TMEM117: variants seen among roughly 807,000 people sequenced by gnomAD.
The protein encoded by TMEM117 is transmembrane protein 117.
In TMEM117, 27 loss-of-function variants were observed where a neutral mutation model predicts 52.4. The ratio of observed to expected loss-of-function variants is 0.51; its 90% CI spans 0.38 to 0.71. The LOEUF is 0.71. Ranked by LOEUF, TMEM117 falls within the 30% of genes least tolerant of loss-of-function variation. TMEM117 has a pLI of 0.00. For synonymous variants in TMEM117, 215 were observed against 206.3 expected (o/e 1.04, Z -0.36); for missense variants, 556 against 630.5 (o/e 0.88, Z 1.26).
intron 2 of TMEM117, among the ~76,000 whole-genome samples, chr12:43,881,534 A>G (rs1443872129): frequency 6.6e-6 from 1 of 152,214 alleles, no homozygotes; most frequent in African/African-American, 2.4e-5. Context: ...TCATGCCTGT[A>G]ATCCCAACAC....
Position 43,838,536 on chromosome 12 carries a change from A to AT in TMEM117, c.-29+2340_-29+2341insT, listed in dbSNP as rs1565712907. 6.0e-5 allele frequency among the ~76,000 whole-genome samples: 8 copies of AT among 134,332 alleles called. 1 individual carries two copies. Among genetic ancestry groups the AT allele is most frequent in the African/African-American group, 2.1e-4 (7 of 33,680 alleles). 88.1% of individuals were successfully genotyped at this position (134,332 alleles called of 152,430 possible). A position where few individuals can be genotyped will look rare whatever the true frequency, so the allele number is the denominator to read the frequency against. On this transcript the variant is annotated intron_variant, in intron 1 of 7. Coordinates refer to ENST00000266534, the MANE Select transcript of TMEM117 (RefSeq NM_032256.3). ...TACTCTCTCTGGAATGGAGTCTTCCAGTTTTTTTTTTTTTTTTTTCCCTCA... is the reference window on the plus strand; with the variant it reads ...TACTCTCTCTGGAATGGAGTCTTCCATGTTTTTTTTTTTTTTTTTTCCCTCA...
chr12:44,348,341 T>C (rs1951517388), intron 6 of TMEM117, among the ~76,000 whole-genome samples: 1 of 151,782 alleles, frequency 6.6e-6, no homozygotes, highest in South Asian at 2.1e-4. Context: ...TGATCCCAAC[T>C]CTTCACCCTC....
rs139520729 is a variant in TMEM117, at chr12:44,044,051, A to G, written c.411-99474A>G. ...GTTTTAATGTAGAGGAAGGAATCCAAAGGCTTAGGGAGATTGGGATGGTGG... is the reference window on the plus strand; with the variant it reads ...GTTTTAATGTAGAGGAAGGAATCCAGAGGCTTAGGGAGATTGGGATGGTGG... On this transcript the variant is annotated intron_variant, in intron 3 of 7. Coordinates refer to ENST00000266534, the MANE Select transcript of TMEM117 (RefSeq NM_032256.3). 2.1e-3 allele frequency among the ~76,000 whole-genome samples: 314 copies of G among 152,322 alleles called. 3 individuals carry two copies. The highest frequency in any genetic ancestry group is 3.6e-3 in the Non-Finnish European group (242 of 68,026).
intron 3 of TMEM117, among the ~76,000 whole-genome samples, chr12:43,996,961 G>C (rs114398722): frequency 4.9e-4 from 74 of 152,302 alleles, no homozygotes; most frequent in African/African-American, 1.7e-3. Flanking sequence ...GCAGATACAA[G>C]AGTCAGAAAA....
intron 3 of TMEM117, among the ~76,000 whole-genome samples, chr12:44,101,877 G>A (rs1947866919): frequency 6.6e-6 from 1 of 151,930 alleles, no homozygotes; most frequent in Admixed American, 6.6e-5. Flanking sequence ...TACAGCAAGG[G>A]TAACTGTAAT....
At chr12:44,114,758 G>A (rs1292553221) in intron 3 of TMEM117, among the ~76,000 whole-genome samples, 1 of 152,152 alleles carries the variant, frequency 6.6e-6, no homozygotes, top group African/African-American at 2.4e-5. Context: ...AGAAGTATAA[G>A]GGGTGAGGGT....
At chr12:43,857,327 T>TTC (rs57010788) in intron 2 of TMEM117, among the ~76,000 whole-genome samples, 1 of 142,204 alleles carries the variant, frequency 7.0e-6, no homozygotes, top group East Asian at 2.2e-4. Flanking sequence ...TTTTTTTTTT[T>TTC]ATTGTACTTG....
chr12:43,924,956 T>TA (rs1592367993), intron 2 of TMEM117, among the ~76,000 whole-genome samples: 2 of 152,304 alleles, frequency 1.3e-5, no homozygotes, highest in East Asian at 3.9e-4. Flanking sequence ...ACTGGAAAGT[T>TA]ACCTTCTAAG....
intron 4 of TMEM117, among the ~76,000 whole-genome samples, chr12:44,204,250 G>T (rs577494456): frequency 1.1e-4 from 17 of 152,138 alleles, no homozygotes; most frequent in African/African-American, 3.6e-4. Flanking sequence ...ACAAAAATCA[G>T]CAGCATTTCT....
At chr12:43,888,035 GAAGT>G (rs1250956422) in intron 2 of TMEM117, among the ~76,000 whole-genome samples, 1 of 152,152 alleles carries the variant, frequency 6.6e-6, no homozygotes, top group Non-Finnish European at 1.5e-5. Flanking sequence ...CTGTAGAAGA[GAAGT>G]AAAGCAAAAG....
At chr12:44,218,471 A>G (rs1949747810) in intron 5 of TMEM117, among the ~76,000 whole-genome samples, 3 of 152,176 alleles carry the variant, frequency 2.0e-5, no homozygotes, top group Non-Finnish European at 2.9e-5. Context: ...CTTGGTATAG[A>G]AGGAATGTAC....
intron 2 of TMEM117, among the ~76,000 whole-genome samples, chr12:43,908,546 A>T (rs557036483): frequency 1.8e-4 from 27 of 151,028 alleles, no homozygotes; most frequent in African/African-American, 6.3e-4. Context: ...AAAGACACAG[A>T]CTGGCAAATT....
At chr12:44,282,366 C>G (rs1480754172) in intron 5 of TMEM117, among the ~76,000 whole-genome samples, 4 of 152,042 alleles carry the variant, frequency 2.6e-5, no homozygotes, top group Non-Finnish European at 5.9e-5. Context: ...CAGGAGAAGA[C>G]AGGAAAATAT....
the TMEM117 span, among the ~76,000 whole-genome samples, chr12:43,807,673 A>G: frequency 6.6e-6 from 1 of 152,188 alleles, no homozygotes; most frequent in Non-Finnish European, 1.5e-5. Context: ...TAATCCTTCC[A>G]TATTCGTGCT....
At chr12:43,857,740 C>T (rs920306376) in intron 2 of TMEM117, among the ~76,000 whole-genome samples, 1 of 152,114 alleles carries the variant, frequency 6.6e-6, no homozygotes, top group African/African-American at 2.4e-5. Flanking sequence ...TGATTTATTT[C>T]CTTTTATCTT....
At chr12:44,236,170 G>A (rs1474722241) in intron 5 of TMEM117, among the ~76,000 whole-genome samples, 2 of 131,692 alleles carry the variant, frequency 1.5e-5, no homozygotes, top group Admixed American at 6.9e-5. Flanking sequence ...TTAGTTTCTA[G>A]CATATATATA....
chr12:44,182,339 C>G (rs925468948), intron 4 of TMEM117, among the ~76,000 whole-genome samples: 6 of 152,044 alleles, frequency 3.9e-5, no homozygotes, highest in Admixed American at 2.6e-4. Flanking sequence ...AATGGAATAC[C>G]CTTTATTTCC....
intron 3 of TMEM117, among the ~76,000 whole-genome samples, chr12:44,079,947 G>C (rs1947453400): frequency 1.3e-5 from 2 of 150,676 alleles, no homozygotes; most frequent in African/African-American, 4.9e-5. Flanking sequence ...GAACCCGGGG[G>C]GCACAGGTTG....
the TMEM117 span, chr12:43,797,061 A>G: frequency 6.2e-7 from 1 of 1,609,004 alleles, no homozygotes; most frequent in Non-Finnish European, 8.5e-7. Context: ...CCGCTCTCTT[A>G]TACTGCATGT....
Sources: allele counts gnomAD v4.1 joint callset (sites outside exome capture counted in the v4.1 genomes callset), GRCh38; gene constraint gnomAD v4.1.1; transcripts MANE v1.5; gene names NCBI Gene and HGNC (gene_info 2026-07-23, HGNC 2026-07-21).